Variants in COL4A2 observed in about 807,000 individuals in gnomAD.
COL4A2 encodes collagen alpha-2(IV) chain.
Under a neutral mutation model 200.2 loss-of-function variants are expected in COL4A2, and 99 were observed. The observed-to-expected ratio is 0.49, with a 90% CI of 0.42 to 0.58. The LOEUF (loss-of-function observed/expected upper bound fraction) is 0.58, where lower values mean the gene tolerates loss of function less well. COL4A2 is among the 20% of genes least tolerant of loss of function. COL4A2 has a pLI of 0.00. For missense variants in COL4A2, 1,950 were observed against 2,314.1 expected, an observed-to-expected ratio of 0.84 and a Z score of 3.23; for synonymous variants, 897 against 900.6, an observed-to-expected ratio of 1.00 and a Z score of 0.07.
At chr13:110,367,127 T>C (rs1264158026) in intron 4 of COL4A2, among the ~76,000 whole-genome samples, 3 of 152,178 alleles carry the variant, frequency 2.0e-5, no homozygotes, top group Non-Finnish European at 2.9e-5. Context: ...GTAAGCCCTG[T>C]ATCGATGGCA....
At chr13:110,510,217 G>A (rs1302035371) in intron 47 of COL4A2, among the ~76,000 whole-genome samples, 2 of 152,248 alleles carry the variant, frequency 1.3e-5, no homozygotes, top group African/African-American at 4.8e-5. Context: ...GTGAGGATGG[G>A]TGGCCCCAGA....
rs779892102 is a variant in COL4A2, at chr13:110,485,058, C to G, written c.3025+31C>G. The G allele has an allele frequency of 8.0e-5, 124 of 1,541,506 alleles. 1 individual carries two copies. In the Middle Eastern group the frequency reaches 1.4e-3, roughly 18 times the overall value. ...GCTTCTGACCTGCAGCCAGGGGCCC[C>G]TAGTCCCTGCCGCCCCAGCCCGCAC... is the stretch of plus-strand genomic sequence containing the variant. On this transcript the variant is annotated intron_variant, in intron 33 of 47. Transcript: ENST00000360467.
rs763705148 is a variant in COL4A2 at position 110,478,107 on chromosome 13, C to T, written c.2530C>T (p.Pro844Ser). Residue 844 changes from proline (P) to serine (S), a missense_variant, in exon 30 of 48, where the codon CCA becomes TCA. Transcript: ENST00000360467. ...TGGGCCTCCAGGACTGCATGGATTC[C>T]CAGGAGCTCCTGGCCAAGAGGGGCC... The part of the protein sequence containing the change: ...LYGPPGLHGF[P>S]GAPGQEGPLG... 5.6e-6 allele frequency: 9 copies of T among 1,603,094 alleles called. No homozygotes were observed. In the Admixed American group the frequency reaches 1.3e-4, roughly 24 times the overall value.
chr13:110,484,940 C>A lies in COL4A2; in HGVS notation c.2938C>A (p.Pro980Thr). The A allele has an allele frequency of 6.2e-7, 1 of 1,613,092 alleles. No homozygotes were observed. Among genetic ancestry groups the A allele is most frequent in the Non-Finnish European group, 8.5e-7 (1 of 1,179,220 alleles). Residue 980 changes from proline to threonine, a missense_variant, in exon 33 of 48, where the codon CCT (proline) becomes ACT (threonine). This residue lies in a region of COL4A2 where 1,385 missense variants were observed against 1,720.5 expected (regional missense o/e 0.80). Transcript: ENST00000360467. ...RGDPGPPGPP[P>T]VILPGMKDIK... is the part of the protein sequence containing the mutation. The stretch of plus-strand genomic sequence containing the variant: ...GGACCCTGGGCCCCCAGGACCACCT[C>A]CTGTCATCCTGCCAGGAATGAAAGA...
intron 4 of COL4A2, among the ~76,000 whole-genome samples, chr13:110,403,036 G>A (rs1171810525): frequency 6.6e-6 from 1 of 152,120 alleles, no homozygotes; most frequent in South Asian, 2.1e-4. Context: ...CTGGCCCCAG[G>A]GTCCTGGCAT....
chr13:110,380,294 CTT>C (rs1221316757), intron 4 of COL4A2, among the ~76,000 whole-genome samples: 7 of 152,246 alleles, frequency 4.6e-5, no homozygotes, highest in Non-Finnish European at 1.0e-4. Flanking sequence ...TTTATTTAGA[CTT>C]TTCTCCCACC....
At chr13:110,380,586 C>T (rs533200806) in intron 4 of COL4A2, among the ~76,000 whole-genome samples, 8 of 152,282 alleles carry the variant, frequency 5.3e-5, no homozygotes, top group African/African-American at 1.9e-4. Flanking sequence ...CATCAATATT[C>T]GGGCAAGAGG....
chr13:110,429,342 A>G (rs1349808974), intron 7 of COL4A2: 1 of 153,226 alleles, frequency 6.5e-6, no homozygotes, highest in Non-Finnish European at 1.5e-5. Flanking sequence ...CTTCTACTCT[A>G]TATATCATCA....
intron 34 of COL4A2, among the ~76,000 whole-genome samples, chr13:110,488,018 C>CTTTTG (rs770432007): frequency 7.2e-5 from 11 of 152,026 alleles, no homozygotes; most frequent in African/African-American, 1.2e-4. Flanking sequence ...CACAAAGGAG[C>CTTTTG]TTTTGTTTTG....
At chr13:110,312,848 A>G (rs1355512363) in intron 3 of COL4A2, among the ~76,000 whole-genome samples, 1 of 152,208 alleles carries the variant, frequency 6.6e-6, no homozygotes, top group African/African-American at 2.4e-5. Flanking sequence ...TCAGGGCAAG[A>G]CACTTTACGT....
At position 110,434,442 on chromosome 13, in the gene COL4A2, G is replaced by A. The variant is rs1463099199; in HGVS notation, c.726G>A (p.Lys242=). 1.9e-6 allele frequency: 3 copies of A among 1,613,750 alleles called. No individual in the cohort carries two copies. The highest frequency in any genetic ancestry group is 2.2e-5 in the East Asian group (1 of 44,886). The change falls in exon 12 of 48, where the codon AAG becomes AAA. Residue 242 remains lysine, a splice_region_variant and synonymous_variant. Coordinates refer to ENST00000360467, the MANE Select transcript of COL4A2 (RefSeq NM_001846.4). ...GLGFYGVKGE[K]GDVGQPGPNG... ...GTTTCTACGGAGTTAAGGGTGAAAA[G>A]GTAAAGGAAGCCTGGTCAATTCCAG...
At chr13:110,345,223 G>T (rs1325904350) in intron 3 of COL4A2, among the ~76,000 whole-genome samples, 1 of 152,206 alleles carries the variant, frequency 6.6e-6, no homozygotes, top group Admixed American at 6.5e-5. Context: ...AAGGAACAGT[G>T]TGTACAAACG....
intron 15 of COL4A2, 107 bp downstream of exon 15, chr13:110,438,775 T>A: frequency 1.4e-6 from 2 of 1,398,784 alleles, no homozygotes; most frequent in Non-Finnish European, 2.0e-6. Flanking sequence ...TAGCAGAAAG[T>A]ATAGAGATTT....
chr13:110,385,618 C>T (rs80342335), intron 4 of COL4A2, among the ~76,000 whole-genome samples: 1,757 of 3,116 alleles, frequency 0.56, 768 homozygotes, highest in East Asian at 0.66. Context: ...TAGGCCGTGG[C>T]TACAGTGTGT....
intron 28 of COL4A2, among the ~76,000 whole-genome samples, chr13:110,472,106 C>CT (rs1882489549): frequency 5.3e-5 from 1 of 18,898 alleles, no homozygotes; most frequent in Admixed American, 7.9e-4. Context: ...TGATGATTTT[C>CT]TTTTTTCTTT....
chr13:110,372,453 T>C (rs1878054795), intron 4 of COL4A2, among the ~76,000 whole-genome samples: 1 of 152,242 alleles, frequency 6.6e-6, no homozygotes, highest in South Asian at 2.1e-4. Context: ...GTTTCTCTTC[T>C]CTGGAATTTG....
In COL4A2 at chr13:110,485,509, C is replaced by T. The variant is rs528681804; in HGVS notation, c.3026-146C>T. On this transcript the variant is annotated intron_variant, in intron 33 of 47. Transcript: ENST00000360467. ...CTGCACTCCAGCCTGGGCGACAGAG[C>T]GAGACTCCGTCTCAAAAAAAAAAAA... 9.8e-4 allele frequency: 580 copies of T among 590,748 alleles called. 5 individuals carry two copies. In the East Asian group the frequency reaches 0.018, roughly 18 times the overall value. The allele number at this position is 590,748 out of a possible 1,614,324, so 36.6% of individuals were successfully genotyped here. A position where few individuals can be genotyped will look rare whatever the true frequency, so the allele number is the denominator to read the frequency against.
At chr13:110,450,212 C>G in intron 19 of COL4A2, 93 bp from the exon 20 acceptor site, 1 of 1,086,282 alleles carries the variant, frequency 9.2e-7, no homozygotes, top group South Asian at 1.4e-5. Context: ...ATGAAGCCCG[C>G]TAGTGCCCCA....
chr13:110,322,631 G>A (rs749072597), intron 3 of COL4A2, among the ~76,000 whole-genome samples: 6 of 152,150 alleles, frequency 3.9e-5, no homozygotes, highest in Non-Finnish European at 7.4e-5. Context: ...CCAAACTGAC[G>A]GTCACCAGCC....
Sources: allele counts gnomAD v4.1 joint callset (sites outside exome capture counted in the v4.1 genomes callset), GRCh38; gene constraint gnomAD v4.1.1; regional missense constraint gnomAD v4.1.1; transcripts MANE v1.5; gene names NCBI Gene and HGNC (gene_info 2026-07-23, HGNC 2026-07-21).